The following ZNF423 variants were observed in gnomAD, a reference collection of about 807,000 sequenced individuals.
The protein encoded by ZNF423 is zinc finger protein 423, also known as Ebf-associated zinc finger protein.
In ZNF423, 12 loss-of-function variants were observed where a neutral mutation model predicts 95.8. That is an observed-to-expected ratio of 0.13 (90% confidence interval 0.08 to 0.20). ZNF423 has a LOEUF of 0.20. Ranked by LOEUF, ZNF423 falls within the 10% of genes least tolerant of loss-of-function variation. ZNF423 has a pLI of 1.00. For missense variants in ZNF423, 1,316 were observed against 1,737.1 expected, an observed-to-expected ratio of 0.76 and a Z score of 4.31; for synonymous variants, 749 against 711.9, an observed-to-expected ratio of 1.05 and a Z score of -0.83.
intron 3 of ZNF423, among the ~76,000 whole-genome samples, chr16:49,692,583 G>A (rs2031826164): frequency 6.6e-6 from 1 of 152,208 alleles, no homozygotes; most frequent in Non-Finnish European, 1.5e-5. Context: ...CAGCCGCCTC[G>A]TCCATCTTGC....
chr16:49,849,316 A>C (rs1351565158), intron 1 of ZNF423, among the ~76,000 whole-genome samples: 1 of 152,138 alleles, frequency 6.6e-6, no homozygotes, highest in South Asian at 2.1e-4. Flanking sequence ...CTGTAAGAAA[A>C]AACTGTTTGC....
At chr16:49,641,553 A>G (rs1458159344) in intron 3 of ZNF423, among the ~76,000 whole-genome samples, 2 of 152,198 alleles carry the variant, frequency 1.3e-5, no homozygotes, top group Non-Finnish European at 2.9e-5. Flanking sequence ...TCCCTAGGAC[A>G]AGCCTGAACA....
chr16:49,577,500 G>A (rs949168527), intron 5 of ZNF423, among the ~76,000 whole-genome samples: 11 of 152,094 alleles, frequency 7.2e-5, no homozygotes, highest in Admixed American at 7.2e-4. Flanking sequence ...CCAGGAGCCA[G>A]CATCTCCACA....
intron 1 of ZNF423, among the ~76,000 whole-genome samples, chr16:49,844,972 T>C (rs2035227429): frequency 7.6e-6 from 1 of 131,874 alleles, no homozygotes. Context: ...GAGGCAGAGG[T>C]TGCAGTGAGC....
intron 1 of ZNF423, among the ~76,000 whole-genome samples, chr16:49,833,227 C>T (rs1394641043): frequency 1.3e-5 from 2 of 152,226 alleles, no homozygotes; most frequent in African/African-American, 4.8e-5. Flanking sequence ...GCCAGGGGAA[C>T]ACCACTCCGC....
chr16:49,626,329 G>C (rs980301673), intron 4 of ZNF423, 75 bp from the exon 5 acceptor site: 2 of 1,438,960 alleles, frequency 1.4e-6, no homozygotes, highest in Non-Finnish European at 1.9e-6. Context: ...GTTCCTAGGG[G>C]GCCTGGGTCA....
chr16:49,620,953 GC>G (rs1484878747), intron 5 of ZNF423, among the ~76,000 whole-genome samples: 1 of 152,216 alleles, frequency 6.6e-6, no homozygotes, highest in African/African-American at 2.4e-5. Context: ...CAGACCCACT[GC>G]TCCTCCCTTC....
chr16:49,679,320 C>T (rs1206619806), intron 3 of ZNF423, among the ~76,000 whole-genome samples: 1 of 152,206 alleles, frequency 6.6e-6, no homozygotes, highest in African/African-American at 2.4e-5. Flanking sequence ...CTGCCCCCTT[C>T]CAAGTTGGCA....
chr16:49,789,233 G>A (rs540464133), intron 2 of ZNF423, among the ~76,000 whole-genome samples: 25 of 152,322 alleles, frequency 1.6e-4, no homozygotes, highest in African/African-American at 5.8e-4. Flanking sequence ...GAAAATCACT[G>A]CCCATCTGAA....
At chr16:49,734,087 G>A (rs2033230003) in intron 2 of ZNF423, among the ~76,000 whole-genome samples, 1 of 152,228 alleles carries the variant, frequency 6.6e-6, no homozygotes. Context: ...CCAAGGCCCA[G>A]GAGGCAGAAG....
intron 1 of ZNF423, among the ~76,000 whole-genome samples, chr16:49,815,914 ATTTTTTTTT>A (rs58692079): frequency 5.9e-3 from 176 of 29,728 alleles, no homozygotes; most frequent in African/African-American, 0.022. Flanking sequence ...ATATATATAT[ATTTTTTTTT>A]TTTTTTTTTT....
At chr16:49,834,688 G>T (rs906386523) in intron 1 of ZNF423, among the ~76,000 whole-genome samples, 1 of 152,166 alleles carries the variant, frequency 6.6e-6, no homozygotes, top group African/African-American at 2.4e-5. Flanking sequence ...GTCTGTCCAC[G>T]GAGGGGGCAG....
At chr16:49,826,219 A>G (rs1270530369) in intron 1 of ZNF423, among the ~76,000 whole-genome samples, 1 of 152,190 alleles carries the variant, frequency 6.6e-6, no homozygotes, top group Non-Finnish European at 1.5e-5. Context: ...CTCAAAAAAT[A>G]AAAAAGAAAG....
intron 5 of ZNF423, among the ~76,000 whole-genome samples, chr16:49,601,377 G>A (rs777739354): frequency 1.6e-4 from 24 of 152,350 alleles, no homozygotes; most frequent in Non-Finnish European, 8.8e-5. Flanking sequence ...GGAGAATTAA[G>A]TGTTTAGAAC....
At chr16:49,529,411 G>C (rs1192307389) in intron 5 of ZNF423, among the ~76,000 whole-genome samples, 1 of 152,070 alleles carries the variant, frequency 6.6e-6, no homozygotes. Flanking sequence ...TCCCTCCTCT[G>C]CTCAGGAATA....
chr16:49,515,363 T>A (rs537222102), intron 7 of ZNF423, among the ~76,000 whole-genome samples: 1 of 152,388 alleles, frequency 6.6e-6, no homozygotes, highest in East Asian at 1.9e-4. Context: ...CAACGAAAGC[T>A]TTTTATAGTT....
At chr16:49,854,996 G>GGCCGCTGAGC in intron 1 of ZNF423, 2 of 984,880 alleles carry the variant, frequency 2.0e-6, no homozygotes, top group Non-Finnish European at 2.4e-6. Flanking sequence ...CGCGCACCGC[G>GGCCGCTGAGC]GCCGCTGAGC....
chr16:49,735,267 T>C (rs540963831), intron 2 of ZNF423, among the ~76,000 whole-genome samples: 2 of 152,032 alleles, frequency 1.3e-5, no homozygotes, highest in Non-Finnish European at 2.9e-5. Flanking sequence ...TTCCGTTAAG[T>C]CTTCACACAG....
intron 3 of ZNF423, among the ~76,000 whole-genome samples, chr16:49,715,363 C>T (rs938198471): frequency 1.3e-5 from 2 of 152,084 alleles, no homozygotes; most frequent in South Asian, 2.1e-4. Flanking sequence ...GAGCTATCCA[C>T]GTGAAAAGCT....
Sources: gnomAD v4.1 joint callset for allele counts (sites outside exome capture counted in the v4.1 genomes callset) on GRCh38, gnomAD v4.1.1 for gene constraint, MANE v1.5 for transcripts, NCBI Gene and HGNC (gene_info 2026-07-23, HGNC 2026-07-21) for gene names.